CERK: variants seen among roughly 807,000 people sequenced by gnomAD.
CERK encodes the protein acylsphingosine kinase.
In CERK, 39 loss-of-function variants were observed where a neutral mutation model predicts 63.4. The observed-to-expected ratio is 0.61, with a 90% CI of 0.48 to 0.80. The LOEUF (loss-of-function observed/expected upper bound fraction) is 0.80, where lower values mean the gene tolerates loss of function less well. CERK is among the 30% of genes least tolerant of loss of function. CERK has a pLI of 0.00. For missense variants in CERK, 670 were observed against 714.1 expected, an observed-to-expected ratio of 0.94 and a Z score of 0.70; for synonymous variants, 302 against 280.0, an observed-to-expected ratio of 1.08 and a Z score of -0.78.
rs1222218963 is a variant in CERK, at chr22:46,701,651, G to A, written c.775C>T (p.Leu259=). The change falls in exon 7 of 13, where the codon CTG becomes TTG. Residue 259 remains leucine, a synonymous_variant. Transcript: ENST00000216264. ...VGTSDAETSA[L]HIVVGDSLAM... The stretch of plus-strand genomic sequence containing the variant: ...AGGGGCTCACCAACAACGATATGCA[G>A]CGCCGAGGTTTCTGCGTCGCTGGTG... 4 of 1,558,586 alleles carry A rather than the reference G, an allele frequency of 2.6e-6. No homozygotes were observed. Among genetic ancestry groups the A allele is most frequent in the Non-Finnish European group, 3.5e-6 (4 of 1,151,082 alleles).
At position 46,704,057 on chromosome 22, in the gene CERK, C is replaced by T. The variant is rs16995604; in HGVS notation, c.716-2347G>A. Among the ~76,000 whole-genome samples the T allele has an allele frequency of 5.9e-5, 9 of 152,336 alleles. No homozygotes were observed. The East Asian group carries it at 7.7e-4, about 13-fold the overall frequency. Reference sequence around the variant, plus strand: ...TCCCCCAGTGGCATTTGCTACAATGCGCACCCACCCTGGGAAAGGCTTTTA... The same window carrying T: ...TCCCCCAGTGGCATTTGCTACAATGTGCACCCACCCTGGGAAAGGCTTTTA... On this transcript the variant is annotated intron_variant, in intron 6 of 12. Coordinates refer to ENST00000216264, the MANE Select transcript of CERK (RefSeq NM_022766.6).
intron 1 of CERK, among the ~76,000 whole-genome samples, chr22:46,730,136 G>T (rs998525756): frequency 1.3e-5 from 2 of 152,118 alleles, no homozygotes; most frequent in Non-Finnish European, 2.9e-5. Flanking sequence ...TCAGGAAAGA[G>T]GCTGGGAGTG....
chr22:46,724,843 C>T (rs760653818), intron 1 of CERK, among the ~76,000 whole-genome samples: 16 of 152,064 alleles, frequency 1.1e-4, no homozygotes, highest in Admixed American at 1.3e-4. Context: ...CATGGTGAAA[C>T]CCCGACTCTA....
At chr22:46,727,837 C>G (rs921272023) in intron 1 of CERK, among the ~76,000 whole-genome samples, 21 of 152,122 alleles carry the variant, frequency 1.4e-4, no homozygotes, top group African/African-American at 3.6e-4. Flanking sequence ...AGCCACCCCC[C>G]CCGGCCCTGC....
At chr22:46,723,591 C>T (rs2082903219) in intron 1 of CERK, among the ~76,000 whole-genome samples, 1 of 152,080 alleles carries the variant, frequency 6.6e-6, no homozygotes. Flanking sequence ...TGCACTCCAG[C>T]CTGGGCAACA....
At chr22:46,723,399 A>C (rs2082902204) in intron 1 of CERK, among the ~76,000 whole-genome samples, 1 of 152,148 alleles carries the variant, frequency 6.6e-6, no homozygotes, top group South Asian at 2.1e-4. Flanking sequence ...CAGGCAGAGC[A>C]CTTCGGGTCA....
chr22:46,684,423 C>T lies in CERK; in HGVS notation c.*2711G>A, dbSNP rs2082688370. 1 of 152,222 alleles carries T rather than the reference C, an allele frequency of 6.6e-6. No individual in the cohort carries two copies. Among genetic ancestry groups the T allele is most frequent in the Admixed American group, 6.5e-5 (1 of 15,280 alleles). The allele number at this position is 152,222 out of a possible 1,614,324, so 9.4% of individuals were successfully genotyped here. On this transcript the variant is annotated 3_prime_UTR_variant, in exon 13 of 13. Coordinates refer to ENST00000216264, the MANE Select transcript of CERK (RefSeq NM_022766.6). ...AAGCAAGCCAAGTCTGCCCAAGTAA[C>T]TTTATTCGTGTCTTCTCAAACATTT...
At chr22:46,725,446 G>A (rs1389789945) in intron 1 of CERK, among the ~76,000 whole-genome samples, 10 of 152,122 alleles carry the variant, frequency 6.6e-5, no homozygotes, top group Non-Finnish European at 1.2e-4. Context: ...GCCCTCTGAG[G>A]GTTAGTCTCA....
At chr22:46,696,977 C>G (rs564582689) in intron 8 of CERK, among the ~76,000 whole-genome samples, 48 of 152,338 alleles carry the variant, frequency 3.2e-4, no homozygotes, top group South Asian at 6.2e-4. Flanking sequence ...TGGCACAACC[C>G]AAACCGCTTC....
At chr22:46,713,199 G>A (rs1345558094) in intron 3 of CERK, among the ~76,000 whole-genome samples, 3 of 152,014 alleles carry the variant, frequency 2.0e-5, no homozygotes, top group African/African-American at 7.2e-5. Flanking sequence ...GAAAACCTAA[G>A]TCCATACAAA....
At chr22:46,733,725 T>C (rs1223624193) in intron 1 of CERK, among the ~76,000 whole-genome samples, 1 of 152,088 alleles carries the variant, frequency 6.6e-6, no homozygotes, top group Non-Finnish European at 1.5e-5. Flanking sequence ...ATTCCAATAT[T>C]ATAAACTGTC....
chr22:46,731,008 A>G (rs1415507880), intron 1 of CERK, among the ~76,000 whole-genome samples: 1 of 152,248 alleles, frequency 6.6e-6, no homozygotes, highest in Non-Finnish European at 1.5e-5. Context: ...CCAAGTGGCC[A>G]ACTAGCAGCT....
At chr22:46,724,436 C>A (rs1358981243) in intron 1 of CERK, among the ~76,000 whole-genome samples, 1 of 152,164 alleles carries the variant, frequency 6.6e-6, no homozygotes, top group East Asian at 1.9e-4. Context: ...GGTCAATCTG[C>A]ACTGGGTGCG....
intron 1 of CERK, among the ~76,000 whole-genome samples, chr22:46,721,610 G>A (rs572820871): frequency 1.3e-5 from 2 of 152,200 alleles, no homozygotes; most frequent in Non-Finnish European, 2.9e-5. Context: ...GGACCATTCC[G>A]GGCCAGCTAC....
intron 1 of CERK, among the ~76,000 whole-genome samples, chr22:46,737,108 A>G (rs1601736079): frequency 6.6e-6 from 1 of 152,266 alleles, no homozygotes; most frequent in South Asian, 2.1e-4. Flanking sequence ...AGCCTGGCCA[A>G]CATGGTGAAA....
chr22:46,730,943 T>G (rs2082942392), intron 1 of CERK, among the ~76,000 whole-genome samples: 4 of 152,158 alleles, frequency 2.6e-5, no homozygotes, highest in Admixed American at 2.6e-4. Context: ...ACAGAAAACT[T>G]TGAGACAATA....
intron 1 of CERK, among the ~76,000 whole-genome samples, chr22:46,724,802 G>A (rs962384987): frequency 2.6e-5 from 4 of 152,202 alleles, no homozygotes; most frequent in East Asian, 1.9e-4. Context: ...GGCGGATCAC[G>A]AGGTCAGGAG....
intron 1 of CERK, among the ~76,000 whole-genome samples, chr22:46,734,248 C>A (rs2082961062): frequency 6.6e-6 from 1 of 151,938 alleles, no homozygotes; most frequent in South Asian, 2.1e-4. Context: ...CACTAGTGCA[C>A]CCACACAATG....
intron 9 of CERK, among the ~76,000 whole-genome samples, chr22:46,694,583 C>T (rs888422143): frequency 2.0e-5 from 3 of 152,136 alleles, no homozygotes; most frequent in African/African-American, 7.2e-5. Context: ...CCTGGCTCTG[C>T]CCCCCAACCC....
Sources: allele counts gnomAD v4.1 joint callset (sites outside exome capture counted in the v4.1 genomes callset), GRCh38; gene constraint gnomAD v4.1.1; transcripts MANE v1.5; gene names NCBI Gene and HGNC (gene_info 2026-07-23, HGNC 2026-07-21).